Variants in GART observed in about 807,000 individuals in gnomAD.
GART encodes the protein phosphoribosylglycinamide formyltransferase, phosphoribosylglycinamide synthetase, phosphoribosylaminoimidazole synthetase.
GART carries 43 observed loss-of-function variants against 107.2 expected under a neutral mutation model. The ratio of observed to expected loss-of-function variants is 0.40; its 90% CI spans 0.31 to 0.52. The LOEUF (loss-of-function observed/expected upper bound fraction) is 0.52, where lower values mean the gene tolerates loss of function less well. Among genes scored for constraint, GART ranks in the 20% least tolerant of loss-of-function variants. The pLI, the probability that GART is intolerant of heterozygous loss-of-function variation, is 0.52. For synonymous variants in GART, 434 were observed against 427.0 expected (o/e 1.02, Z -0.20); for missense variants, 1,107 against 1,206.5 (o/e 0.92, Z 1.22).
intron 10 of GART, among the ~76,000 whole-genome samples, chr21:33,527,536 A>T (rs2085097288): frequency 6.6e-6 from 1 of 151,988 alleles, no homozygotes; most frequent in Non-Finnish European, 1.5e-5. Context: ...GAAACCCCCC[A>T]AATACACTAC....
chr21:33,541,384 T>C (rs2085419860), intron 1 of GART, among the ~76,000 whole-genome samples: 1 of 152,236 alleles, frequency 6.6e-6, no homozygotes, highest in Non-Finnish European at 1.5e-5. Flanking sequence ...TGACCTCCAA[T>C]GGTCAACCCA....
chr21:33,521,211 A>C (rs1018397445), intron 12 of GART, among the ~76,000 whole-genome samples, 196 bp from the exon 13 acceptor site: 59 of 152,212 alleles, frequency 3.9e-4, no homozygotes, highest in Non-Finnish European at 1.0e-4. Context: ...CATTTAATAG[A>C]TTAACATGTA....
chr21:33,516,869 C>G, intron 16 of GART, 120 bp downstream of exon 16: 1 of 842,782 alleles, frequency 1.2e-6, no homozygotes, highest in South Asian at 2.1e-5. Context: ...CCCAAAACCC[C>G]CAATGATTAA....
At chr21:33,530,427 C>T (rs1273058125) in intron 7 of GART, among the ~76,000 whole-genome samples, 1 of 152,130 alleles carries the variant, frequency 6.6e-6, no homozygotes, top group African/African-American at 2.4e-5. Context: ...ACACAGACAA[C>T]ACTTTTGTGC....
At chr21:33,535,860 T>A (rs1225646298) in intron 2 of GART, among the ~76,000 whole-genome samples, 3 of 152,012 alleles carry the variant, frequency 2.0e-5, no homozygotes, top group East Asian at 3.9e-4. Flanking sequence ...AAACCCCGTC[T>A]CTACTAAAAA....
At chr21:33,508,980 G>C (rs1209522736) in intron 18 of GART, among the ~76,000 whole-genome samples, 2 of 152,018 alleles carry the variant, frequency 1.3e-5, no homozygotes, top group East Asian at 1.9e-4. Context: ...CTTTTTTATG[G>C]CTGCATCTTA....
intron 11 of GART, 63 bp from the exon 12 acceptor site, chr21:33,522,345 T>A: frequency 2.4e-6 from 3 of 1,236,124 alleles, no homozygotes; most frequent in Non-Finnish European, 3.5e-6. Context: ...TCTTAAAATA[T>A]TATTTAAAGC....
At position 33,534,622 on chromosome 21, in the gene GART, T is replaced by G. The variant is rs776934841; in HGVS notation, c.373A>C (p.Lys125Gln). The G allele has an allele frequency of 3.7e-5, 59 of 1,614,080 alleles. No homozygotes were observed. The highest frequency in any genetic ancestry group is 4.8e-5 in the Non-Finnish European group (57 of 1,180,046). ...DRHGIPTAQW[K>Q]AFTKPEEACS... ...GCTTCTTCAGGTTTGGTGAAAGCCT[T>G]CCATTGTGCGGTTGGGATTCCATGT... Residue 125 changes from lysine (K) to glutamine (Q), a missense_variant, in exon 4 of 22, where the codon AAG becomes CAG. By Grantham distance (53) the Lys-to-Gln change is moderately conservative (BLOSUM62 1). Transcript: ENST00000381815.
At chr21:33,515,799 A>G (rs1161883226) in intron 16 of GART, among the ~76,000 whole-genome samples, 1 of 151,754 alleles carries the variant, frequency 6.6e-6, no homozygotes, top group Non-Finnish European at 1.5e-5. Context: ...ATCTCTACCC[A>G]CTGTCTCCAC....
intron 4 of GART, 47 bp from the exon 5 acceptor site, chr21:33,532,503 C>T: frequency 7.2e-7 from 1 of 1,396,584 alleles, no homozygotes; most frequent in Non-Finnish European, 1.0e-6. Context: ...CATTACAACT[C>T]AAGATTTTAA....
At chr21:33,540,410 A>G (rs1208910924) in intron 1 of GART, among the ~76,000 whole-genome samples, 2 of 152,248 alleles carry the variant, frequency 1.3e-5, no homozygotes, top group Non-Finnish European at 2.9e-5. Flanking sequence ...TCTTTTTCTC[A>G]ATCATTCATA....
Position 33,517,442 on chromosome 21 carries a change from T to C in GART, c.1869A>G (p.Gly623=). 6.2e-7 allele frequency: 1 copy of C among 1,614,150 alleles called. No individual in the cohort carries two copies. Among genetic ancestry groups the C allele is most frequent in the Non-Finnish European group, 8.5e-7 (1 of 1,180,024 alleles). ...GIASSGLHSN[G]FSLVRKIVAK... ...CCACGATTTTCCTCACAAGGCTAAA[T>C]CCATTGCTATGAAGACCAGATGAAG... Residue 623 remains glycine (G), a synonymous_variant, in exon 15 of 22, where the codon GGA becomes GGG. Coordinates refer to ENST00000381815, the MANE Select transcript of GART (RefSeq NM_000819.5).
chr21:33,509,346 AG>A (rs1453939655), intron 18 of GART: 1 of 154,312 alleles, frequency 6.5e-6, no homozygotes, highest in African/African-American at 2.4e-5. Context: ...GAATGTTCAT[AG>A]CAGTGTTACT....
chr21:33,525,080 G>A, intron 10 of GART, 80 bp from the exon 11 acceptor site: 2 of 1,423,988 alleles, frequency 1.4e-6, no homozygotes, highest in Non-Finnish European at 9.2e-7. Flanking sequence ...ATTTCCACAA[G>A]TTTCTTTTTT....
At chr21:33,527,326 C>T (rs964182016) in intron 10 of GART, among the ~76,000 whole-genome samples, 7 of 152,018 alleles carry the variant, frequency 4.6e-5, no homozygotes, top group Non-Finnish European at 8.8e-5. Context: ...CGAGACCAGC[C>T]GGGCCAACAT....
chr21:33,511,794 T>C lies in GART; in HGVS notation c.2108-336A>G, dbSNP rs118088171. On this transcript the variant is annotated intron_variant, in intron 16 of 21. Coordinates refer to ENST00000381815, the MANE Select transcript of GART (RefSeq NM_000819.5). The stretch of plus-strand genomic sequence containing the variant: ...CAGTATACCATCCTTTTGTGAATGT[T>C]TGGCTGAGTCTTTGTGATGACCAAA... Among the ~76,000 whole-genome samples the C allele has an allele frequency of 1.7e-3, 264 of 152,250 alleles. 2 individuals are homozygous for C. Among genetic ancestry groups the C allele is most frequent in the Non-Finnish European group, 3.3e-3 (222 of 68,010 alleles).
At chr21:33,541,397 T>C (rs2085420450) in intron 1 of GART, among the ~76,000 whole-genome samples, 1 of 152,228 alleles carries the variant, frequency 6.6e-6, no homozygotes. Context: ...TCAACCCACC[T>C]TGGCCTCCCA....
intron 2 of GART, among the ~76,000 whole-genome samples, chr21:33,535,749 G>A (rs896815254): frequency 3.9e-5 from 6 of 152,104 alleles, no homozygotes; most frequent in East Asian, 1.9e-4. Flanking sequence ...TCAACACGGC[G>A]GGGCGCGGTG....
At chr21:33,521,631 CAAA>C (rs571421187) in intron 12 of GART, among the ~76,000 whole-genome samples, 3 of 54,424 alleles carry the variant, frequency 5.5e-5, no homozygotes, top group Non-Finnish European at 3.8e-5. Context: ...GACTTTGTCT[CAAA>C]AAAAAAAAAA....
Sources: allele counts gnomAD v4.1 joint callset (sites outside exome capture counted in the v4.1 genomes callset), GRCh38; gene constraint gnomAD v4.1.1; transcripts MANE v1.5; gene names NCBI Gene and HGNC (gene_info 2026-07-23, HGNC 2026-07-21).